Variants in NFIB observed in about 807,000 individuals in gnomAD.
NFIB encodes the protein nuclear factor 1 B-type.
Under a neutral mutation model 61.5 loss-of-function variants are expected in NFIB, and 11 were observed. The observed-to-expected ratio is 0.18, with a 90% CI of 0.11 to 0.30. NFIB has a LOEUF of 0.30. Ranked by LOEUF, NFIB falls within the 10% of genes least tolerant of loss-of-function variation. The pLI, the probability that NFIB is intolerant of heterozygous loss-of-function variation, is 1.00. For missense variants in NFIB, 471 were observed against 608.9 expected, an observed-to-expected ratio of 0.77 and a Z score of 2.38; for synonymous variants, 260 against 216.5, an observed-to-expected ratio of 1.20 and a Z score of -1.76.
intron 5 of NFIB, among the ~76,000 whole-genome samples, chr9:14,148,172 G>C (rs1183867524): frequency 6.6e-6 from 1 of 152,018 alleles, no homozygotes; most frequent in Non-Finnish European, 1.5e-5. Context: ...GTCCAGGCTG[G>C]AGTGCAGTTG....
intron 2 of NFIB, among the ~76,000 whole-genome samples, chr9:14,195,999 G>A (rs2382452): frequency 0.91 from 138,995 of 152,154 alleles, 64,056 homozygotes; most frequent in Non-Finnish European, 0.99. Flanking sequence ...TAGCTGATAT[G>A]ATCCAATCAC....
At chr9:14,509,023 G>A in the NFIB span, among the ~76,000 whole-genome samples, 5 of 152,180 alleles carry the variant, frequency 3.3e-5, no homozygotes, top group Non-Finnish European at 5.9e-5. Context: ...CCCAGGAAAT[G>A]GAATACATTC....
chr9:14,350,238 C>T (rs2061090112), intron 1 of NFIB, among the ~76,000 whole-genome samples: 1 of 152,174 alleles, frequency 6.6e-6, no homozygotes, highest in African/African-American at 2.4e-5. Context: ...AAAAGAACCA[C>T]ACGGAAAAGC....
chr9:14,472,816 G>A, the NFIB span, among the ~76,000 whole-genome samples: 1 of 151,934 alleles, frequency 6.6e-6, no homozygotes. Context: ...ACTGCAGCCT[G>A]GGCGACAGAG....
At chr9:14,288,619 T>G (rs1172147305) in intron 2 of NFIB, among the ~76,000 whole-genome samples, 1 of 152,100 alleles carries the variant, frequency 6.6e-6, no homozygotes, top group East Asian at 1.9e-4. Context: ...GACCTTTCCA[T>G]TGCAGTCACA....
intron 1 of NFIB, among the ~76,000 whole-genome samples, chr9:14,338,437 G>A (rs985303204): frequency 2.6e-5 from 4 of 152,076 alleles, no homozygotes; most frequent in South Asian, 2.1e-4. Flanking sequence ...ATGTATTTGC[G>A]GTTGGAAAGG....
At chr9:14,321,677 T>C (rs2060663919) in intron 1 of NFIB, among the ~76,000 whole-genome samples, 1 of 152,166 alleles carries the variant, frequency 6.6e-6, no homozygotes, top group African/African-American at 2.4e-5. Flanking sequence ...TGGACCACAA[T>C]GTTACTCACT....
At chr9:14,464,083 C>T in the NFIB span, among the ~76,000 whole-genome samples, 2 of 152,080 alleles carry the variant, frequency 1.3e-5, no homozygotes, top group African/African-American at 4.8e-5. Context: ...CCAGCCCTAC[C>T]GCTAGTGACT....
At chr9:14,497,431 T>C in the NFIB span, among the ~76,000 whole-genome samples, 1 of 152,206 alleles carries the variant, frequency 6.6e-6, no homozygotes, top group Non-Finnish European at 1.5e-5. Flanking sequence ...GGAGCTTATG[T>C]CCTAGAGAGT....
intron 10 of NFIB, among the ~76,000 whole-genome samples, chr9:14,103,514 A>T (rs2036080806): frequency 6.6e-6 from 1 of 152,146 alleles, no homozygotes. Flanking sequence ...AAGTACCATA[A>T]ATTATCATAA....
chr9:14,284,189 T>C (rs1453384141), intron 2 of NFIB, among the ~76,000 whole-genome samples: 1 of 152,202 alleles, frequency 6.6e-6, no homozygotes, highest in East Asian at 1.9e-4. Context: ...CCTGGGTAAC[T>C]GTAATCATTA....
At chr9:14,368,292 G>T (rs1198132937) in intron 1 of NFIB, among the ~76,000 whole-genome samples, 1 of 152,206 alleles carries the variant, frequency 6.6e-6, no homozygotes, top group Non-Finnish European at 1.5e-5. Context: ...CAGACATAAA[G>T]AGGTAGTAAT....
chr9:14,429,992 G>A, the NFIB span, among the ~76,000 whole-genome samples: 7 of 152,158 alleles, frequency 4.6e-5, no homozygotes, highest in East Asian at 1.3e-3. Flanking sequence ...GAAAATAAAT[G>A]TTAATTTCCT....
At chr9:14,212,955 C>T (rs1449955286) in intron 2 of NFIB, among the ~76,000 whole-genome samples, 1 of 152,172 alleles carries the variant, frequency 6.6e-6, no homozygotes. Context: ...AAGATAACAG[C>T]TACTTCCTGC....
At chr9:14,239,675 CA>C (rs1336261610) in intron 2 of NFIB, among the ~76,000 whole-genome samples, 1 of 152,112 alleles carries the variant, frequency 6.6e-6, no homozygotes, top group Non-Finnish European at 1.5e-5. Context: ...TCCATGTGAT[CA>C]ATGAGGCATA....
At chr9:14,452,305 T>A in the NFIB span, among the ~76,000 whole-genome samples, 17 of 151,632 alleles carry the variant, frequency 1.1e-4, no homozygotes, top group African/African-American at 4.1e-4. Context: ...ATCCATGATA[T>A]TTTTTACATT....
intron 1 of NFIB, among the ~76,000 whole-genome samples, chr9:14,319,166 C>G (rs931199878): frequency 4.0e-5 from 6 of 151,420 alleles, no homozygotes; most frequent in African/African-American, 1.2e-4. Context: ...ATGTCACTGC[C>G]GAAATGCCTC....
At chr9:14,341,285 T>C (rs1201961200) in intron 1 of NFIB, among the ~76,000 whole-genome samples, 5 of 152,310 alleles carry the variant, frequency 3.3e-5, no homozygotes, top group African/African-American at 1.2e-4. Context: ...GGTTGTGGAC[T>C]GCCCATGGGT....
At chr9:14,237,876 T>TGC (rs1318086469) in intron 2 of NFIB, among the ~76,000 whole-genome samples, 1 of 149,198 alleles carries the variant, frequency 6.7e-6, no homozygotes, top group Non-Finnish European at 1.5e-5. Context: ...TGTGTGTGTG[T>TGC]GTGTGTGTGT....
Sources: allele counts gnomAD v4.1 joint callset (sites outside exome capture counted in the v4.1 genomes callset), GRCh38; gene constraint gnomAD v4.1.1; transcripts MANE v1.5; gene names NCBI Gene and HGNC (gene_info 2026-07-23, HGNC 2026-07-21).